KIF26B: variants seen among roughly 807,000 people sequenced by gnomAD.
KIF26B encodes the protein kinesin-like protein KIF26B.
Under a neutral mutation model 151.2 loss-of-function variants are expected in KIF26B, and 63 were observed. The ratio of observed to expected loss-of-function variants is 0.42; its 90% CI spans 0.34 to 0.51. The LOEUF is 0.51. Ranked by LOEUF, KIF26B falls within the 20% of genes least tolerant of loss-of-function variation. KIF26B has a pLI of 0.07. For missense variants in KIF26B, 2,813 were observed against 2,913.6 expected (o/e 0.97, Z 0.79); for synonymous variants, 1,357 against 1,262.1 (o/e 1.08, Z -1.59).
chr1:245,181,593 A>G (rs1573692872), intron 2 of KIF26B, among the ~76,000 whole-genome samples: 1 of 151,790 alleles, frequency 6.6e-6, no homozygotes, highest in Middle Eastern at 3.4e-3. Flanking sequence ...ACAGCTGGCC[A>G]TGTTCGGAAA....
intron 2 of KIF26B, among the ~76,000 whole-genome samples, chr1:245,283,797 C>G (rs955395894): frequency 6.6e-6 from 1 of 151,296 alleles, no homozygotes; most frequent in Non-Finnish European, 1.5e-5. Context: ...AAGCGATTCT[C>G]CTGCCTCAGC....
chr1:245,626,271 G>A (rs2043722963), intron 9 of KIF26B, among the ~76,000 whole-genome samples: 2 of 152,056 alleles, frequency 1.3e-5, no homozygotes. Context: ...AGATCATATG[G>A]TAGTTCTCGT....
At chr1:245,395,587 G>A (rs1673816385) in intron 3 of KIF26B, among the ~76,000 whole-genome samples, 1 of 152,196 alleles carries the variant, frequency 6.6e-6, no homozygotes, top group African/African-American at 2.4e-5. Flanking sequence ...GTGTGCCAGG[G>A]TGGGAGGATT....
At chr1:245,434,764 C>G (rs1474690137) in intron 4 of KIF26B, among the ~76,000 whole-genome samples, 2 of 152,036 alleles carry the variant, frequency 1.3e-5, no homozygotes. Context: ...CCCATATTTC[C>G]CTGGCAGGAT....
At chr1:245,545,453 G>A (rs1661723502) in intron 5 of KIF26B, among the ~76,000 whole-genome samples, 1 of 152,110 alleles carries the variant, frequency 6.6e-6, no homozygotes, top group Non-Finnish European at 1.5e-5. Context: ...TGTGCTGAGC[G>A]GTAGGCTTAG....
At chr1:245,389,646 A>G (rs1673637076) in intron 3 of KIF26B, among the ~76,000 whole-genome samples, 1 of 152,200 alleles carries the variant, frequency 6.6e-6, no homozygotes, top group South Asian at 2.1e-4. Flanking sequence ...TGAATATTTG[A>G]CGCAGTAAAT....
intron 10 of KIF26B, among the ~76,000 whole-genome samples, chr1:245,681,434 C>G (rs1245005150): frequency 6.6e-6 from 1 of 152,184 alleles, no homozygotes; most frequent in African/African-American, 2.4e-5. Context: ...TGTTCTTGAT[C>G]TCCTGACCTC....
chr1:245,466,158 G>GT (rs1282466093), intron 4 of KIF26B, among the ~76,000 whole-genome samples: 1 of 149,862 alleles, frequency 6.7e-6, no homozygotes. Context: ...AGACTGTAGA[G>GT]TAAGAGTCTG....
intron 2 of KIF26B, among the ~76,000 whole-genome samples, chr1:245,245,788 G>A (rs966233115): frequency 3.3e-5 from 5 of 152,088 alleles, no homozygotes; most frequent in Non-Finnish European, 7.4e-5. Flanking sequence ...AAAGCCGGGC[G>A]TGGTGGCGGG....
chr1:245,331,976 A>AT (rs1490732394), intron 2 of KIF26B, among the ~76,000 whole-genome samples: 1 of 152,010 alleles, frequency 6.6e-6, no homozygotes, highest in Non-Finnish European at 1.5e-5. Flanking sequence ...AAATACAAAA[A>AT]TCAGCCGGGC....
chr1:245,674,464 C>T (rs181511591), intron 10 of KIF26B, among the ~76,000 whole-genome samples: 1 of 152,332 alleles, frequency 6.6e-6, no homozygotes, highest in East Asian at 1.9e-4. Flanking sequence ...AGTAAGTGCA[C>T]AGGGTCTTAT....
At chr1:245,500,092 T>A (rs1660590674) in intron 4 of KIF26B, among the ~76,000 whole-genome samples, 1 of 152,238 alleles carries the variant, frequency 6.6e-6, no homozygotes, top group Non-Finnish European at 1.5e-5. Flanking sequence ...AGGACTACTG[T>A]GTCTTACATA....
intron 9 of KIF26B, among the ~76,000 whole-genome samples, chr1:245,623,786 A>T (rs982967286): frequency 6.6e-6 from 1 of 152,210 alleles, no homozygotes; most frequent in Non-Finnish European, 1.5e-5. Flanking sequence ...CCTATTTCCA[A>T]GATATGTCAT....
chr1:245,673,009 C>T (rs12044510), intron 10 of KIF26B, among the ~76,000 whole-genome samples: 95,889 of 151,258 alleles, frequency 0.63, 31,205 homozygotes, highest in East Asian at 0.82. Flanking sequence ...CCCCATAATG[C>T]ACCCAGTCCC....
chr1:245,448,116 C>T (rs1296825823), intron 4 of KIF26B, among the ~76,000 whole-genome samples: 4 of 152,288 alleles, frequency 2.6e-5, no homozygotes, highest in Non-Finnish European at 5.9e-5. Context: ...AGTAATGGCC[C>T]TTGCCAGACA....
chr1:245,418,390 C>G (rs1007401628), intron 3 of KIF26B, among the ~76,000 whole-genome samples: 2 of 152,202 alleles, frequency 1.3e-5, no homozygotes, highest in Non-Finnish European at 2.9e-5. Context: ...TGAATAATGC[C>G]AAGGCTTTCC....
intron 2 of KIF26B, among the ~76,000 whole-genome samples, chr1:245,179,102 G>A (rs552914484): frequency 3.9e-5 from 6 of 152,060 alleles, no homozygotes; most frequent in South Asian, 4.2e-4. Flanking sequence ...CATTTAAAAA[G>A]ACTGCCCCTG....
intron 2 of KIF26B, among the ~76,000 whole-genome samples, chr1:245,236,708 G>A (rs1558356773): frequency 6.6e-6 from 1 of 152,150 alleles, no homozygotes; most frequent in Non-Finnish European, 1.5e-5. Flanking sequence ...AAACAATGGA[G>A]TGTAGAAATA....
chr1:245,267,399 G>T (rs374806576), intron 2 of KIF26B, among the ~76,000 whole-genome samples: 5 of 152,284 alleles, frequency 3.3e-5, no homozygotes, highest in African/African-American at 1.2e-4. Flanking sequence ...ACACCGTAGA[G>T]CAGAGGACTA....
Sources: allele counts gnomAD v4.1 joint callset (sites outside exome capture counted in the v4.1 genomes callset), GRCh38; gene constraint gnomAD v4.1.1; transcripts MANE v1.5; gene names NCBI Gene and HGNC (gene_info 2026-07-23, HGNC 2026-07-21).